Variants in C16orf78 observed in about 807,000 individuals in gnomAD.
The protein encoded by C16orf78 is uncharacterized protein C16orf78.
In C16orf78, 19 loss-of-function variants were observed where a neutral mutation model predicts 27.3. The ratio of observed to expected loss-of-function variants is 0.70; its 90% CI spans 0.49 to 1.02. The LOEUF is 1.02. C16orf78 is among the 50% of genes least tolerant of loss of function. C16orf78 has a pLI of 0.00. For synonymous variants in C16orf78, 130 were observed against 116.1 expected (o/e 1.12, Z -0.77); for missense variants, 339 against 337.0 (o/e 1.01, Z -0.05).
At chr16:49,396,167 G>C (rs933438367) in intron 3 of C16orf78, among the ~76,000 whole-genome samples, 2 of 152,130 alleles carry the variant, frequency 1.3e-5, no homozygotes, top group Non-Finnish European at 2.9e-5. Context: ...ACTTGAACCT[G>C]TGAGATAGAG....
At chr16:49,396,826 G>C (rs748307420) in intron 4 of C16orf78, 148 bp downstream of exon 4, 388 of 1,141,258 alleles carry the variant, frequency 3.4e-4, no homozygotes, top group Non-Finnish European at 4.2e-4. Context: ...GGTCCCAAAG[G>C]ACTGCTCCAG....
intron 1 of C16orf78, among the ~76,000 whole-genome samples, chr16:49,374,945 G>A (rs1162026752): frequency 6.6e-6 from 1 of 152,130 alleles, no homozygotes; most frequent in African/African-American, 2.4e-5. Flanking sequence ...AGCAAAATGA[G>A]TAAAAAATGC....
intron 3 of C16orf78, among the ~76,000 whole-genome samples, chr16:49,395,973 T>C (rs1965467091): frequency 6.6e-6 from 1 of 152,168 alleles, no homozygotes; most frequent in South Asian, 2.1e-4. Flanking sequence ...CTAGGCACGG[T>C]GGCTCATGCC....
In C16orf78 at chr16:49,395,684, G is replaced by A. The variant is rs58423110; in HGVS notation, c.395-739G>A. On this transcript the variant is annotated intron_variant, in intron 3 of 4. Coordinates refer to ENST00000299191, the MANE Select transcript of C16orf78 (RefSeq NM_144602.4). ...TCACACATTCTGTTCCTCTGCCTGC[G>A]ATCCTTTCCTTCCTTTTCTAACTGA... Among the ~76,000 whole-genome samples, 881 of 152,210 alleles carry A rather than the reference G, an allele frequency of 5.8e-3. 10 individuals carry two copies. The highest frequency in any genetic ancestry group is 0.02 in the African/African-American group (845 of 41,526).
intron 3 of C16orf78, among the ~76,000 whole-genome samples, chr16:49,379,643 G>T (rs1965264066): frequency 6.6e-6 from 1 of 152,006 alleles, no homozygotes; most frequent in Non-Finnish European, 1.5e-5. Flanking sequence ...GGCATTACTG[G>T]CGAAATCTGA....
chr16:49,383,386 GGGTTGC>G (rs1389102972), intron 3 of C16orf78, among the ~76,000 whole-genome samples: 5 of 152,198 alleles, frequency 3.3e-5, no homozygotes, highest in Non-Finnish European at 7.3e-5. Context: ...ATGTTAGCTT[GGGTTGC>G]CATAGTCAAA....
intron 4 of C16orf78, 120 bp from the exon 5 acceptor site, chr16:49,399,011 G>A: frequency 9.3e-7 from 1 of 1,080,494 alleles, no homozygotes; most frequent in Non-Finnish European, 1.3e-6. Context: ...ATGACTGGGA[G>A]AGACAGCCCC....
intron 3 of C16orf78, among the ~76,000 whole-genome samples, chr16:49,382,743 T>C (rs1965302644): frequency 6.6e-6 from 1 of 152,168 alleles, no homozygotes; most frequent in African/African-American, 2.4e-5. Context: ...CTGGACACCT[T>C]GCTTTCCTCA....
chr16:49,396,566 A>T lies in C16orf78; in HGVS notation c.538A>T (p.Lys180Ter). Residue 180 changes from lysine (K) to a stop codon, truncating the protein, a stop_gained, in exon 4 of 5, where the codon AAG (lysine) becomes TAG (stop). Coordinates refer to ENST00000299191, the MANE Select transcript of C16orf78 (RefSeq NM_144602.4). LOFTEE classifies it high-confidence loss of function. ...AACCTTCATAAGAGACTGGTCCAAC[A>T]AGATGCCTGACATGGCTTACGAACG... ...RATFIRDWSN[K>*]MPDMAYERKL... 6.2e-7 allele frequency: 1 copy of T among 1,614,216 alleles called. No homozygotes were observed. Among genetic ancestry groups the T allele is most frequent in the Non-Finnish European group, 8.5e-7 (1 of 1,180,038 alleles).
chr16:49,394,155 T>C (rs74730540), intron 3 of C16orf78, among the ~76,000 whole-genome samples: 1 of 152,152 alleles, frequency 6.6e-6, no homozygotes, highest in South Asian at 2.1e-4. Flanking sequence ...ATAATTCTAA[T>C]GTTACTTCAA....
chr16:49,394,608 C>T (rs1290099214), intron 3 of C16orf78, among the ~76,000 whole-genome samples: 1 of 151,876 alleles, frequency 6.6e-6, no homozygotes, highest in Non-Finnish European at 1.5e-5. Flanking sequence ...CTAAATGATG[C>T]AATGCCCAAA....
chr16:49,392,185 A>T (rs765742064), intron 3 of C16orf78, among the ~76,000 whole-genome samples: 3 of 152,214 alleles, frequency 2.0e-5, no homozygotes, highest in Non-Finnish European at 4.4e-5. Context: ...AAGGGGAAAA[A>T]AATCAGCCTG....
chr16:49,396,372 C>G, intron 3 of C16orf78, 51 bp from the exon 4 acceptor site: 1 of 1,595,692 alleles, frequency 6.3e-7, no homozygotes, highest in South Asian at 1.1e-5. Flanking sequence ...CCTACCCCAC[C>G]TCTCACGTCT....
chr16:49,395,861 A>G (rs1324868840), intron 3 of C16orf78, among the ~76,000 whole-genome samples: 1 of 152,120 alleles, frequency 6.6e-6, no homozygotes, highest in African/African-American at 2.4e-5. Flanking sequence ...AGATTGAAAT[A>G]AGCAGAAAGG....
chr16:49,398,854 G>A (rs974218804), intron 4 of C16orf78, among the ~76,000 whole-genome samples: 4 of 151,940 alleles, frequency 2.6e-5, no homozygotes, highest in African/African-American at 7.3e-5. Context: ...GGGATATATC[G>A]AGGACCTGAG....
chr16:49,394,078 A>G (rs1451201950), intron 3 of C16orf78, among the ~76,000 whole-genome samples: 1 of 152,052 alleles, frequency 6.6e-6, no homozygotes, highest in Non-Finnish European at 1.5e-5. Flanking sequence ...AATAATTAAC[A>G]TTTTCCCACT....
chr16:49,387,449 G>C (rs921808082), intron 3 of C16orf78, among the ~76,000 whole-genome samples: 1 of 152,098 alleles, frequency 6.6e-6, no homozygotes, highest in Admixed American at 6.5e-5. Context: ...GATTTGGTTT[G>C]TCAGCATTTT....
At chr16:49,393,983 T>C (rs1017975951) in intron 3 of C16orf78, among the ~76,000 whole-genome samples, 7 of 152,080 alleles carry the variant, frequency 4.6e-5, no homozygotes, top group African/African-American at 1.4e-4. Flanking sequence ...AATGGATGAT[T>C]TTCTATTATA....
chr16:49,385,476 A>C (rs1473202235), intron 3 of C16orf78, among the ~76,000 whole-genome samples: 2 of 152,118 alleles, frequency 1.3e-5, no homozygotes, highest in African/African-American at 2.4e-5. Context: ...AGCCTGGCCA[A>C]TATGGTGAAA....
Sources: allele counts gnomAD v4.1 joint callset (sites outside exome capture counted in the v4.1 genomes callset), GRCh38; gene constraint gnomAD v4.1.1; transcripts MANE v1.5; gene names NCBI Gene and HGNC (gene_info 2026-07-23, HGNC 2026-07-21).